PRKN: variants seen among roughly 807,000 people sequenced by gnomAD.
The protein encoded by PRKN is parkin RBR E3 ubiquitin protein ligase, also known as E3 ubiquitin-protein ligase parkin.
A neutral mutation model predicts 59.5 loss-of-function variants in PRKN; 56 were observed. That is an observed-to-expected ratio of 0.94 (90% CI 0.76 to 1.18). PRKN has a LOEUF of 1.18. Ranked by LOEUF, PRKN falls within the 50% of genes most tolerant of loss-of-function variation. PRKN has a pLI of 0.00. For synonymous variants in PRKN, 250 were observed against 222.1 expected, an observed-to-expected ratio of 1.13 and a Z score of -1.12; for missense variants, 657 against 596.4, an observed-to-expected ratio of 1.10 and a Z score of -1.06.
intron 7 of PRKN, among the ~76,000 whole-genome samples, chr6:161,709,710 T>C (rs967723635): frequency 1.3e-5 from 2 of 152,184 alleles, no homozygotes; most frequent in South Asian, 4.1e-4. Flanking sequence ...TTGTATTTGA[T>C]TTGCTGTCTC....
intron 2 of PRKN, among the ~76,000 whole-genome samples, chr6:162,285,524 C>G (rs536425676): frequency 1.1e-4 from 16 of 151,876 alleles, no homozygotes; most frequent in Non-Finnish European, 1.6e-4. Flanking sequence ...ATAGTAGGAT[C>G]TTCGCAATTA....
chr6:162,090,357 T>C (rs1251054407), intron 4 of PRKN, among the ~76,000 whole-genome samples: 1 of 152,226 alleles, frequency 6.6e-6, no homozygotes, highest in Non-Finnish European at 1.5e-5. Flanking sequence ...GTTTACATTT[T>C]ATTTTAAAAT....
chr6:161,541,221 G>A (rs913998458), intron 9 of PRKN, among the ~76,000 whole-genome samples: 1 of 152,176 alleles, frequency 6.6e-6, no homozygotes, highest in African/African-American at 2.4e-5. Context: ...CTGAGTGCTT[G>A]GAATGTGGTT....
At chr6:162,295,807 G>T (rs1252438843) in intron 2 of PRKN, among the ~76,000 whole-genome samples, 1 of 152,114 alleles carries the variant, frequency 6.6e-6, no homozygotes, top group Non-Finnish European at 1.5e-5. Context: ...CTGCATAGGT[G>T]GCTGCCACTG....
rs1415211813 is a variant in PRKN at position 161,403,471 on chromosome 6, G to A, written c.1084-16594C>T. Among the ~76,000 whole-genome samples the A allele has an allele frequency of 5.3e-5, 8 of 152,230 alleles. 1 individual carries two copies. The East Asian group carries it at 1.4e-3, about 26-fold the overall frequency. The stretch of plus-strand genomic sequence containing the variant: ...TTGTCCTGTGGAGAAACGGAAAAAC[G>A]CTCATGGGGTCGGTTATTGTTCCAA... On this transcript the variant is annotated intron_variant, in intron 9 of 11. Coordinates refer to ENST00000366898, the MANE Select transcript of PRKN (RefSeq NM_004562.3).
intron 5 of PRKN, among the ~76,000 whole-genome samples, chr6:162,003,534 G>A (rs959629638): frequency 1.3e-5 from 2 of 152,124 alleles, no homozygotes; most frequent in Non-Finnish European, 2.9e-5. Flanking sequence ...TGGCTAATGG[G>A]TGGGAGACTC....
intron 6 of PRKN, among the ~76,000 whole-genome samples, chr6:161,907,851 G>T (rs772573756): frequency 2.6e-5 from 4 of 152,182 alleles, no homozygotes; most frequent in Non-Finnish European, 5.9e-5. Flanking sequence ...GCCAAGGCGG[G>T]TGGATCACCT....
intron 7 of PRKN, among the ~76,000 whole-genome samples, chr6:161,656,940 C>G (rs1047707345): frequency 7.9e-5 from 12 of 152,170 alleles, no homozygotes; most frequent in Non-Finnish European, 1.8e-4. Context: ...AAGACGGGGA[C>G]TCGTAAGTTG....
At chr6:161,777,132 G>A (rs752263248) in intron 7 of PRKN, among the ~76,000 whole-genome samples, 4 of 152,104 alleles carry the variant, frequency 2.6e-5, no homozygotes, top group Non-Finnish European at 5.9e-5. Context: ...AAAATGAGAA[G>A]AATAACAACA....
intron 2 of PRKN, among the ~76,000 whole-genome samples, chr6:162,427,623 C>T (rs1192087783): frequency 1.3e-5 from 2 of 151,160 alleles, no homozygotes; most frequent in Non-Finnish European, 2.9e-5. Flanking sequence ...TTCCATATTA[C>T]TTATAGGCTG....
At chr6:162,669,613 A>G (rs959630705) in intron 1 of PRKN, among the ~76,000 whole-genome samples, 1 of 152,298 alleles carries the variant, frequency 6.6e-6, no homozygotes, top group East Asian at 1.9e-4. Flanking sequence ...CTGGATGCCA[A>G]TAATTCATAC....
chr6:162,059,983 T>C (rs1304598225), intron 4 of PRKN, among the ~76,000 whole-genome samples: 1 of 152,234 alleles, frequency 6.6e-6, no homozygotes, highest in Non-Finnish European at 1.5e-5. Flanking sequence ...TATTGGCATA[T>C]AGCCACATAA....
intron 7 of PRKN, among the ~76,000 whole-genome samples, chr6:161,614,059 C>T (rs956274047): frequency 1.3e-5 from 2 of 152,172 alleles, no homozygotes; most frequent in Admixed American, 6.5e-5. Context: ...CACCTGTACT[C>T]CCTGCCTGCT....
At chr6:161,678,216 C>CTTTTTTTTTTTTTTTTTTTTTTTTTTTTT (rs3066554) in intron 7 of PRKN, among the ~76,000 whole-genome samples, 1 of 64,940 alleles carries the variant, frequency 1.5e-5, no homozygotes, top group African/African-American at 7.9e-5. Flanking sequence ...TACTGAATCA[C>CTTTTTTTTTTTTTTTTTTTTTTTTTTTTT]TTTTTTTTTT....
In PRKN at chr6:161,526,771, T is replaced by G. The variant is rs937201614; in HGVS notation, c.1083+22083A>C. Among the ~76,000 whole-genome samples the G allele has an allele frequency of 1.3e-5, 2 of 152,084 alleles. No individual in the cohort carries two copies. The highest frequency in any genetic ancestry group is 4.8e-5 in the African/African-American group (2 of 41,406). ...CGATAATGTAGTCTATGAAATAAAC[T>G]GACAGTAGACAGATCAACACGATAA... On this transcript the variant is annotated intron_variant, in intron 9 of 11. Coordinates refer to ENST00000366898, the MANE Select transcript of PRKN (RefSeq NM_004562.3). This position sits in a 1 kb window ranked among gnomAD's most constrained non-coding sequence, Gnocchi z 4.1.
At chr6:162,448,894 C>CCTCTCTCT (rs112625480) in intron 1 of PRKN, among the ~76,000 whole-genome samples, 2 of 141,372 alleles carry the variant, frequency 1.4e-5, no homozygotes, top group African/African-American at 2.7e-5. Flanking sequence ...TCTCTCCCTT[C>CCTCTCTCT]CTCTCTCTCT....
At position 162,404,847 on chromosome 6, in the gene PRKN, C is replaced by T. The variant is rs527302435; in HGVS notation, c.171+38463G>A. Among the ~76,000 whole-genome samples the T allele has an allele frequency of 6.6e-5, 10 of 152,248 alleles. No individual in the cohort carries two copies. The South Asian group carries it at 1.4e-3, about 22-fold the overall frequency. ...GATTACAGGCGTGAGCTACTGCGACCGGCCACTTCTGATTTTTTAAAAAGT... is the reference window on the plus strand; with the variant it reads ...GATTACAGGCGTGAGCTACTGCGACTGGCCACTTCTGATTTTTTAAAAAGT... On this transcript the variant is annotated intron_variant, in intron 2 of 11. Coordinates refer to ENST00000366898, the MANE Select transcript of PRKN (RefSeq NM_004562.3).
chr6:162,497,880 G>A (rs191212950), intron 1 of PRKN, among the ~76,000 whole-genome samples: 23 of 152,240 alleles, frequency 1.5e-4, no homozygotes, highest in Admixed American at 1.5e-3. Flanking sequence ...ATCATTTATT[G>A]TATATTTCAA....
rs531402750 is a variant in PRKN at position 161,709,296 on chromosome 6, A to T, written c.871+76476T>A. The stretch of plus-strand genomic sequence containing the variant: ...TGAAAATACAATTTTAATTACTTTA[A>T]ATGAAAATAACTGGCATTCAACTTG... On this transcript the variant is annotated intron_variant, in intron 7 of 11. Transcript: ENST00000366898. 2.2e-4 allele frequency among the ~76,000 whole-genome samples: 33 copies of T among 152,340 alleles called. No homozygotes were observed. In the South Asian group the frequency reaches 4.4e-3, roughly 20 times the overall value.
Sources: allele counts gnomAD v4.1 joint callset (sites outside exome capture counted in the v4.1 genomes callset), GRCh38; gene constraint gnomAD v4.1.1; non-coding constraint Gnocchi (gnomAD v3.1); transcripts MANE v1.5; gene names NCBI Gene and HGNC (gene_info 2026-07-23, HGNC 2026-07-21).